The following RNF112 variants were observed in gnomAD, a reference collection of about 807,000 sequenced individuals.
The protein encoded by RNF112 is brain finger protein.
Under a neutral mutation model 64.7 loss-of-function variants are expected in RNF112, and 34 were observed. The ratio of observed to expected loss-of-function variants is 0.53; its 90% CI spans 0.40 to 0.70. The LOEUF is 0.70. RNF112 is among the 30% of genes least tolerant of loss of function. The pLI, the probability that RNF112 is intolerant of heterozygous loss-of-function variation, is 0.00. For synonymous variants in RNF112, 345 were observed against 344.5 expected, an observed-to-expected ratio of 1.00 and a Z score of -0.02; for missense variants, 734 against 850.0, an observed-to-expected ratio of 0.86 and a Z score of 1.70.
chr17:19,414,683 G>A (rs1457796799), intron 9 of RNF112, 23 bp downstream of exon 9: 2 of 1,610,676 alleles, frequency 1.2e-6, no homozygotes, highest in Non-Finnish European at 1.7e-6. Flanking sequence ...AGGGGATGGG[G>A]TGGAGGGGCC....
intron 7 of RNF112, 103 bp downstream of exon 7, chr17:19,414,248 T>C (rs1198153801): frequency 8.2e-7 from 1 of 1,213,758 alleles, no homozygotes; most frequent in Non-Finnish European, 1.2e-6. Context: ...TAGGGTTTTA[T>C]GACACTTGAA....
Position 19,413,584 on chromosome 17 carries a change from T to C in RNF112, c.728T>C (p.Val243Ala). ...TCCCTACCCCCTGCATAGGTGGCGG[T>C]GTTCCTGGTGGACACAGGGGATGCC... Reference protein sequence around the residue: ...LLGKEGKKVAVFLVDTGDAMS... With the variant: ...LLGKEGKKVAAFLVDTGDAMS... Residue 243 changes from valine to alanine, a missense_variant, in exon 6 of 14, where the codon GTG (valine) becomes GCG (alanine). Val to Ala is a moderately conservative substitution (Grantham distance 64). Coordinates refer to ENST00000461366, the MANE Select transcript of RNF112 (RefSeq NM_007148.5). This position sits in a 1 kb window ranked among gnomAD's most constrained non-coding sequence, Gnocchi z 5.9. 2 of 1,612,820 alleles carry C rather than the reference T, an allele frequency of 1.2e-6. No individual in the cohort carries two copies. Among genetic ancestry groups the C allele is most frequent in the Non-Finnish European group, 1.7e-6 (2 of 1,179,408 alleles).
intron 2 of RNF112, chr17:19,411,919 A>T (rs1913674522): frequency 5.0e-6 from 3 of 597,040 alleles, no homozygotes; most frequent in South Asian, 4.3e-5. Flanking sequence ...CAACTGCAGC[A>T]CAGGCTGATG....
chr17:19,411,828 G>C, intron 2 of RNF112, 158 bp downstream of exon 2: 1 of 754,788 alleles, frequency 1.3e-6, no homozygotes, highest in Non-Finnish European at 2.2e-6. Flanking sequence ...ACAGGAAGAA[G>C]CAGGTGGGTG....
Position 19,415,600 on chromosome 17 carries a change from C to T in RNF112, c.1425+8C>T, listed in dbSNP as rs539779863. On this transcript the variant is annotated splice_region_variant and intron_variant, in intron 13 of 13. Coordinates refer to ENST00000461366, the MANE Select transcript of RNF112 (RefSeq NM_007148.5). This position sits in a 1 kb window ranked among gnomAD's most constrained non-coding sequence, Gnocchi z 7.8. Reference sequence around the variant, plus strand: ...GAGTATGTGAGGCAGCAGGTGAGCCCCGGGGCTGCACGGGAGGCAGGTGTG... The same window carrying T: ...GAGTATGTGAGGCAGCAGGTGAGCCTCGGGGCTGCACGGGAGGCAGGTGTG... The T allele has an allele frequency of 1.6e-5, 26 of 1,611,592 alleles. No homozygotes were observed. The African/African-American group carries it at 3.5e-4, about 22-fold the overall frequency.
Position 19,413,169 on chromosome 17 carries a change from G to T in RNF112, c.588+25G>T. 1 of 1,604,584 alleles carries T rather than the reference G, an allele frequency of 6.2e-7. No individual in the cohort carries two copies. The highest frequency in any genetic ancestry group is 2.2e-5 in the East Asian group (1 of 44,514). On this transcript the variant is annotated intron_variant, in intron 4 of 13. Coordinates refer to ENST00000461366, the MANE Select transcript of RNF112 (RefSeq NM_007148.5). The surrounding 1 kb of genome is among the most constrained non-coding windows in gnomAD (Gnocchi z 5.9). The stretch of plus-strand genomic sequence containing the variant: ...GGTGAGGGCGGGGCGGGGCAGGAGG[G>T]AGGCGGGGAGCAAGGATGGGGGTTC...
chr17:19,411,800 C>G, intron 2 of RNF112, 130 bp downstream of exon 2: 1 of 992,914 alleles, frequency 1.0e-6, no homozygotes, highest in Non-Finnish European at 1.5e-6. Context: ...CTGGATCCGC[C>G]AGGCTGTGGA....
In RNF112 at chr17:19,411,753, G is replaced by A. The variant is rs913791001; in HGVS notation, c.95+83G>A. The A allele has an allele frequency of 2.8e-6, 4 of 1,412,836 alleles. No homozygotes were observed. The African/African-American group carries it at 4.3e-5, about 15-fold the overall frequency. 87.5% of individuals were successfully genotyped at this position (1,412,836 alleles called of 1,614,324 possible). A position where few individuals can be genotyped will look rare whatever the true frequency, so the allele number is the denominator to read the frequency against. ...GAAATGGCCGGTCCTGGAACACAGA[G>A]CCCGGCAGCCCAGCCGGGAGGGCTG... On this transcript the variant is annotated intron_variant, in intron 2 of 13. Transcript: ENST00000461366.
Position 19,411,305 on chromosome 17 carries a change from C to G in RNF112, c.-104C>G. ...TCCCCCGACCTCACCTTCTACCTAC[C>G]GCAGCCTGCTAGCCTTTCCGGGAGA... On this transcript the variant is annotated 5_prime_UTR_variant, in exon 1 of 14. Transcript: ENST00000461366. 1.8e-6 allele frequency: 2 copies of G among 1,105,074 alleles called. No homozygotes were observed. Among genetic ancestry groups the G allele is most frequent in the Non-Finnish European group, 1.3e-6 (1 of 764,788 alleles). 68.5% of individuals were successfully genotyped at this position (1,105,074 alleles called of 1,614,324 possible).
chr17:19,411,797 C>A (rs191175671), intron 2 of RNF112, 127 bp downstream of exon 2: 2 of 1,016,206 alleles, frequency 2.0e-6, no homozygotes, highest in Non-Finnish European at 2.9e-6. Flanking sequence ...AGGCTGGATC[C>A]GCCAGGCTGT....
In RNF112 at chr17:19,413,330, CT is replaced by C. The variant is rs1314982982; in HGVS notation, c.640del (p.Cys214AlafsTer39). Reference protein sequence around the residue: ...PRGGEASLQGCRWGANGLARG... With the variant: ...PRGGEASLQGXRWGANGLARG... The stretch of plus-strand genomic sequence containing the variant: ...GAGGAGGAGAGGCATCCCTGCAGGG[CT>C]GCAGGTGGGGCGCCAATGGCCTCGC... On this transcript the variant is annotated frameshift_variant, in exon 5 of 14. Transcript: ENST00000461366. LOFTEE classifies it high-confidence loss of function. The surrounding 1 kb of genome is among the most constrained non-coding windows in gnomAD (Gnocchi z 5.9). 1 of 1,613,204 alleles carries C rather than the reference CT, an allele frequency of 6.2e-7. No individual in the cohort carries two copies. Among genetic ancestry groups the C allele is most frequent in the Non-Finnish European group, 8.5e-7 (1 of 1,179,598 alleles).
chr17:19,413,880 G>A lies in RNF112; in HGVS notation c.825+199G>A, dbSNP rs1051980443. Among the ~76,000 whole-genome samples the A allele has an allele frequency of 4.6e-5, 7 of 152,176 alleles. No individual in the cohort carries two copies. Among genetic ancestry groups the A allele is most frequent in the African/African-American group, 1.7e-4 (7 of 41,438 alleles). ...CCTAAAAGTGGGCTGATGGTCCCAG[G>A]GGCAGCTGAAGACCTGATGGATCAC... On this transcript the variant is annotated intron_variant, in intron 6 of 13. Transcript: ENST00000461366. This position sits in a 1 kb window ranked among gnomAD's most constrained non-coding sequence, Gnocchi z 5.9.
Position 19,413,995 on chromosome 17 carries a change from C to A in RNF112, c.826-100C>A. 2.0e-6 allele frequency: 2 copies of A among 1,004,002 alleles called. No homozygotes were observed. Among genetic ancestry groups the A allele is most frequent in the Non-Finnish European group, 3.0e-6 (2 of 656,156 alleles). 62.2% of individuals were successfully genotyped at this position (1,004,002 alleles called of 1,614,324 possible). A position where few individuals can be genotyped will look rare whatever the true frequency, so the allele number is the denominator to read the frequency against. On this transcript the variant is annotated intron_variant, in intron 6 of 13. Transcript: ENST00000461366. The surrounding 1 kb of genome is among the most constrained non-coding windows in gnomAD (Gnocchi z 5.9). ...TACTGGCCTCTCCCATACTCTGAGG[C>A]CCACAGGCTGCCTGCGAGCTCCCTA...
chr17:19,414,262 G>T, intron 7 of RNF112, 117 bp downstream of exon 7: 1 of 1,128,168 alleles, frequency 8.9e-7, no homozygotes, highest in South Asian at 1.4e-5. Context: ...ACTTGAACAG[G>T]GTTGAAGGGG....
In RNF112 at chr17:19,412,890, AG is replaced by A. The variant is rs1387797688; in HGVS notation, c.382-46del. ...TCCAGGCTGAACACATTCCAGGGTCAGGAGCTGGTCCTGGATGCTCAGGGGC... is the reference window on the plus strand; with the variant it reads ...TCCAGGCTGAACACATTCCAGGGTCAGAGCTGGTCCTGGATGCTCAGGGGC... On this transcript the variant is annotated intron_variant, in intron 3 of 13. Transcript: ENST00000461366. The surrounding 1 kb of genome is among the most constrained non-coding windows in gnomAD (Gnocchi z 5.1). 6.4e-7 allele frequency: 1 copy of A among 1,566,528 alleles called. No individual in the cohort carries two copies. The highest frequency in any genetic ancestry group is 2.0e-5 in the Admixed American group (1 of 50,420).
rs33912708 is a variant in RNF112 at position 19,411,604 on chromosome 17, CTTTTTTTT to C, written c.55-15_55-8del. The C allele has an allele frequency of 7.1e-7, 1 of 1,413,930 alleles. No homozygotes were observed. Among genetic ancestry groups the C allele is most frequent in the African/African-American group, 1.6e-5 (1 of 61,066 alleles). 87.6% of individuals were successfully genotyped at this position (1,413,930 alleles called of 1,614,324 possible). On this transcript the variant is annotated intron_variant, in intron 1 of 13. Transcript: ENST00000461366. Reference sequence around the variant, plus strand: ...TAGAAGTCTGGATTATGTTCTAAATCTTTTTTTTTTTTTTTTTTCTCCAAGGAGAGAAA... The same window carrying C: ...TAGAAGTCTGGATTATGTTCTAAATCTTTTTTTTTTCTCCAAGGAGAGAAA...
Position 19,412,595 on chromosome 17 carries a change from C to T in RNF112, c.193C>T (p.Arg65Cys), listed in dbSNP as rs773568285. The T allele has an allele frequency of 1.4e-5, 23 of 1,613,070 alleles. No homozygotes were observed. Among genetic ancestry groups the T allele is most frequent in the East Asian group, 2.2e-5 (1 of 44,858 alleles). Residue 65 changes from arginine (R) to cysteine (C), a missense_variant, in exon 3 of 14, where the codon CGC (arginine) becomes TGC (cysteine). By Grantham distance (180) the Arg-to-Cys change is radical. Transcript: ENST00000461366. The surrounding 1 kb of genome is among the most constrained non-coding windows in gnomAD (Gnocchi z 5.1). ...PTCSICLERL[R>C]DPISLDCGHD... ...CTGCTCCATCTGCCTGGAGAGGTTG[C>T]GCGACCCCATCTCGCTGGACTGTGG...
Position 19,412,810 on chromosome 17 carries a change from G to A in RNF112, c.381+27G>A. On this transcript the variant is annotated intron_variant, in intron 3 of 13. Transcript: ENST00000461366. This position sits in a 1 kb window ranked among gnomAD's most constrained non-coding sequence, Gnocchi z 5.1. ...TCTGGGGACTGGGCCTAATCAGTCA[G>A]ACCCAAGAGGAGGGGGTGGCTTTGG... 3.8e-6 allele frequency: 6 copies of A among 1,598,122 alleles called. No homozygotes were observed. Among genetic ancestry groups the A allele is most frequent in the Non-Finnish European group, 5.1e-6 (6 of 1,175,808 alleles).
chr17:19,416,988 A>T lies in RNF112; in HGVS notation c.*813A>T, dbSNP rs150618276. On this transcript the variant is annotated 3_prime_UTR_variant, in exon 14 of 14. Coordinates refer to ENST00000461366, the MANE Select transcript of RNF112 (RefSeq NM_007148.5). ...TTCTGAGCTAAGCCAGACAGCCTTT[A>T]TACTAGATTCTATCAAAATCTTGCA... 8 of 152,100 alleles carry T rather than the reference A, an allele frequency of 5.3e-5. No individual in the cohort carries two copies. The highest frequency in any genetic ancestry group is 2.0e-4 in the Admixed American group (3 of 15,258). The allele number at this position is 152,100 out of a possible 1,614,324, so 9.4% of individuals were successfully genotyped here. A position where few individuals can be genotyped will look rare whatever the true frequency, so the allele number is the denominator to read the frequency against.
Sources: allele counts gnomAD v4.1 joint callset (sites outside exome capture counted in the v4.1 genomes callset), GRCh38; gene constraint gnomAD v4.1.1; non-coding constraint Gnocchi (gnomAD v3.1); transcripts MANE v1.5; gene names NCBI Gene and HGNC (gene_info 2026-07-23, HGNC 2026-07-21).